The following ABLIM1 variants were observed in gnomAD, a reference collection of about 807,000 sequenced individuals.
ABLIM1 encodes the protein actin-binding LIM protein 1.
Under a neutral mutation model 107.0 loss-of-function variants are expected in ABLIM1, and 40 were observed. That is an observed-to-expected ratio of 0.37 (90% CI 0.29 to 0.49). ABLIM1 has a LOEUF of 0.49. Ranked by LOEUF, ABLIM1 falls within the 20% of genes least tolerant of loss-of-function variation. ABLIM1 has a pLI of 0.97. For synonymous variants in ABLIM1, 357 were observed against 357.3 expected (o/e 1.00, Z 0.01); for missense variants, 857 against 1,008.5 (o/e 0.85, Z 2.04).
chr10:114,507,884 C>G (rs187426703), intron 6 of ABLIM1, among the ~76,000 whole-genome samples: 1 of 152,258 alleles, frequency 6.6e-6, no homozygotes, highest in East Asian at 1.9e-4. Flanking sequence ...AGCAGACCCC[C>G]CTGAGTTCTG....
At chr10:114,527,882 C>T (rs138948097) in intron 6 of ABLIM1, among the ~76,000 whole-genome samples, 2,058 of 146,734 alleles carry the variant, frequency 0.014, 47 homozygotes, top group African/African-American at 0.048. Flanking sequence ...CTGTTGCCCA[C>T]GCTAGAGTGC....
chr10:114,685,009 G>C (rs11196874), upstream of ABLIM1: 1 of 152,210 alleles, frequency 6.6e-6, no homozygotes, highest in Non-Finnish European at 1.5e-5. Context: ...GGTATGAGAC[G>C]AGCCGTGGAC....
In ABLIM1 at chr10:114,435,493, A is replaced by C. The variant is rs902321215; in HGVS notation, c.*767T>G. The C allele has an allele frequency of 6.6e-6, 1 of 152,216 alleles. No individual in the cohort carries two copies. Among genetic ancestry groups the C allele is most frequent in the Non-Finnish European group, 1.5e-5 (1 of 68,058 alleles). The allele number at this position is 152,216 out of a possible 1,614,324, so 9.4% of individuals were successfully genotyped here. A position where few individuals can be genotyped will look rare whatever the true frequency, so the allele number is the denominator to read the frequency against. ...TGGAGCTCCAGACAGCTCCTGTCCT[A>C]GGCGGGGAGCAGGAACCAGACCTGC... is the stretch of plus-strand genomic sequence containing the variant. On this transcript the variant is annotated 3_prime_UTR_variant, in exon 23 of 23. Transcript: ENST00000533213.
At chr10:114,755,310 A>G (rs1468762605) in intron 1 of ABLIM1, among the ~76,000 whole-genome samples, 1 of 152,162 alleles carries the variant, frequency 6.6e-6, no homozygotes, top group African/African-American at 2.4e-5. Context: ...TTCCTCCCCA[A>G]CCACAGTGCA....
chr10:114,732,099 C>CTT (rs35870357), intron 1 of ABLIM1, among the ~76,000 whole-genome samples: 6 of 150,618 alleles, frequency 4.0e-5, no homozygotes, highest in South Asian at 2.1e-4. Context: ...TATTCTCTGT[C>CTT]TTTTTTTTAT....
chr10:114,550,356 T>C (rs2067903975), intron 4 of ABLIM1, among the ~76,000 whole-genome samples: 1 of 145,740 alleles, frequency 6.9e-6, no homozygotes, highest in Non-Finnish European at 1.5e-5. Flanking sequence ...AGGAGCACAG[T>C]ATGGATGTAA....
At chr10:114,526,704 G>A in intron 6 of ABLIM1, 1 of 985,554 alleles carries the variant, frequency 1.0e-6, no homozygotes, top group Non-Finnish European at 1.2e-6. Flanking sequence ...CCTTGGCTGT[G>A]CTGAGCAGAG....
intron 1 of ABLIM1, among the ~76,000 whole-genome samples, chr10:114,643,580 T>C (rs986869288): frequency 1.0e-4 from 11 of 108,396 alleles, no homozygotes; most frequent in Non-Finnish European, 2.1e-4. Flanking sequence ...ATCCAGATTC[T>C]TTTTTTTTTT....
chr10:114,529,558 C>T (rs2065234201), intron 6 of ABLIM1, among the ~76,000 whole-genome samples: 1 of 152,096 alleles, frequency 6.6e-6, no homozygotes. Context: ...AGCAAATTTC[C>T]AAATTCGTGA....
intron 1 of ABLIM1, among the ~76,000 whole-genome samples, chr10:114,717,531 T>C (rs2081698990): frequency 6.6e-6 from 1 of 152,136 alleles, no homozygotes. Flanking sequence ...CCTCTCCCAG[T>C]TGTGATAAAA....
At chr10:114,721,835 G>A (rs547641207) in intron 1 of ABLIM1, among the ~76,000 whole-genome samples, 1 of 152,244 alleles carries the variant, frequency 6.6e-6, no homozygotes, top group East Asian at 1.9e-4. Context: ...TGTTGGATTA[G>A]TCTGTTGTTG....
At chr10:114,598,274 CAAAAAAAAAAAAA>C (rs58133284) in intron 2 of ABLIM1, among the ~76,000 whole-genome samples, 1 of 63,812 alleles carries the variant, frequency 1.6e-5, no homozygotes, top group Non-Finnish European at 2.7e-5. Context: ...AACTCCATCT[CAAAAAAAAAAAAA>C]AAAAAAAAGG....
Position 114,530,163 on chromosome 10 carries a change from T to C in ABLIM1, c.894+14842A>G, listed in dbSNP as rs532481660. ...TACTAAAGGTCATTGAATCATATAC[T>C]TAACATGGGTGAATTTTCTGGTATG... On this transcript the variant is annotated intron_variant, in intron 6 of 22. Coordinates refer to ENST00000533213, the MANE Select transcript of ABLIM1 (RefSeq NM_002313.7). Among the ~76,000 whole-genome samples, 3 of 152,344 alleles carry C rather than the reference T, an allele frequency of 2.0e-5. 1 individual carries two copies. The South Asian group carries it at 6.2e-4, about 32-fold the overall frequency.
chr10:114,767,962 C>A, intron 1 of ABLIM1: 2 of 372,854 alleles, frequency 5.4e-6, no homozygotes, highest in Non-Finnish European at 5.3e-6. Context: ...AAGTTTCAGG[C>A]CGGGCTGGGG....
At chr10:114,632,722 G>A (rs1468566376) in intron 1 of ABLIM1, 1 of 985,184 alleles carries the variant, frequency 1.0e-6, no homozygotes, top group African/African-American at 1.7e-5. Flanking sequence ...CCATGTAGGG[G>A]GGATTTTGAC....
At chr10:114,442,879 C>A (rs1278652891) in intron 17 of ABLIM1, among the ~76,000 whole-genome samples, 1 of 152,104 alleles carries the variant, frequency 6.6e-6, no homozygotes, top group African/African-American at 2.4e-5. Flanking sequence ...CTCACTCTCA[C>A]CCAGGCTGGA....
chr10:114,766,132 A>C (rs2082887242), intron 1 of ABLIM1, among the ~76,000 whole-genome samples: 1 of 152,194 alleles, frequency 6.6e-6, no homozygotes, highest in South Asian at 2.1e-4. Context: ...TAATCTCTCA[A>C]AACCTCAATT....
intron 8 of ABLIM1, among the ~76,000 whole-genome samples, chr10:114,484,075 T>C (rs1159001976): frequency 2.0e-5 from 3 of 152,178 alleles, no homozygotes; most frequent in East Asian, 3.8e-4. Flanking sequence ...AGCCAGTATT[T>C]AATGTTCTCC....
chr10:114,440,641 T>G (rs1413662407), intron 19 of ABLIM1, among the ~76,000 whole-genome samples: 1 of 152,064 alleles, frequency 6.6e-6, no homozygotes, highest in African/African-American at 2.4e-5. Flanking sequence ...TTTGTTGTTG[T>G]TGGTAGAGAC....
Sources: gnomAD v4.1 joint callset for allele counts (sites outside exome capture counted in the v4.1 genomes callset) on GRCh38, gnomAD v4.1.1 for gene constraint, MANE v1.5 for transcripts, NCBI Gene and HGNC (gene_info 2026-07-23, HGNC 2026-07-21) for gene names.